Variants in CAMK2D observed in about 807,000 individuals in gnomAD.
CAMK2D encodes the protein calcium/calmodulin dependent protein kinase II delta.
Under a neutral mutation model 84.0 loss-of-function variants are expected in CAMK2D, and 37 were observed. The ratio of observed to expected loss-of-function variants is 0.44; its 90% CI spans 0.34 to 0.58. CAMK2D has a LOEUF of 0.58. CAMK2D is among the 20% of genes least tolerant of loss of function. The pLI is 0.02. For synonymous variants in CAMK2D, 202 were observed against 212.5 expected, an observed-to-expected ratio of 0.95 and a Z score of 0.43; for missense variants, 448 against 652.5, an observed-to-expected ratio of 0.69 and a Z score of 3.41.
chr4:113,600,520 C>A (rs974936234), intron 4 of CAMK2D, among the ~76,000 whole-genome samples: 1 of 152,020 alleles, frequency 6.6e-6, no homozygotes, highest in African/African-American at 2.4e-5. Context: ...TTCAAAAAAT[C>A]CTATAGTCCA....
chr4:113,548,603 C>T, intron 5 of CAMK2D: 1 of 896,622 alleles, frequency 1.1e-6, no homozygotes, highest in South Asian at 1.5e-5. Context: ...GCCCTTTCCC[C>T]AGAAAAAAAA....
intron 4 of CAMK2D, among the ~76,000 whole-genome samples, chr4:113,567,664 C>G (rs1026843753): frequency 2.2e-4 from 33 of 152,098 alleles, no homozygotes; most frequent in African/African-American, 8.0e-4. Context: ...AGTTAGTCAC[C>G]TTATGTTAGA....
rs537303675 is a variant in CAMK2D, at chr4:113,648,019, A to G, written c.220+13694T>C. 2.6e-5 allele frequency among the ~76,000 whole-genome samples: 4 copies of G among 152,360 alleles called. No individual in the cohort carries two copies. The East Asian group carries it at 7.7e-4, about 29-fold the overall frequency. ...GGGAGAAGGAGATTGGCAGAAGGAA[A>G]TAATGACCTTCAAAATAGTAACTCA... On this transcript the variant is annotated intron_variant, in intron 3 of 20. Coordinates refer to ENST00000511664, the MANE Select transcript of CAMK2D (RefSeq NM_001321571.2).
chr4:113,573,493 A>G, intron 4 of CAMK2D, among the ~76,000 whole-genome samples: 1 of 152,232 alleles, frequency 6.6e-6, no homozygotes. Flanking sequence ...TACTCTGGAT[A>G]TTCCAATAAA....
At chr4:113,641,415 A>G (rs569251248) in intron 3 of CAMK2D, among the ~76,000 whole-genome samples, 1 of 152,234 alleles carries the variant, frequency 6.6e-6, no homozygotes, top group Non-Finnish European at 1.5e-5. Flanking sequence ...TATAATATTT[A>G]TATCTGCAGA....
chr4:113,751,147 G>C (rs747934634), intron 2 of CAMK2D, among the ~76,000 whole-genome samples: 3 of 152,178 alleles, frequency 2.0e-5, no homozygotes, highest in Non-Finnish European at 2.9e-5. Context: ...TGAAAGCTTA[G>C]GAAAATTATT....
At chr4:113,564,514 A>C (rs2098713314) in intron 4 of CAMK2D, among the ~76,000 whole-genome samples, 1 of 152,156 alleles carries the variant, frequency 6.6e-6, no homozygotes, top group Non-Finnish European at 1.5e-5. Flanking sequence ...TAAATTTCAC[A>C]CCGAGACCAT....
At chr4:113,497,736 C>T (rs766143601) in intron 16 of CAMK2D, among the ~76,000 whole-genome samples, 7 of 152,172 alleles carry the variant, frequency 4.6e-5, no homozygotes, top group Non-Finnish European at 1.0e-4. Context: ...ATGTGCACTG[C>T]CTTGGTATGG....
chr4:113,755,027 G>T, intron 2 of CAMK2D: 1 of 984,296 alleles, frequency 1.0e-6, no homozygotes, highest in South Asian at 4.7e-5. Context: ...CATAGTCTCA[G>T]TTCTACTTCC....
intron 3 of CAMK2D, among the ~76,000 whole-genome samples, chr4:113,658,467 T>C (rs1012106611): frequency 2.6e-5 from 4 of 152,170 alleles, no homozygotes; most frequent in Non-Finnish European, 4.4e-5. Flanking sequence ...TCCTCCCTTC[T>C]TTTAGGTCTG....
At chr4:113,515,443 T>G (rs1406791496) in intron 9 of CAMK2D, among the ~76,000 whole-genome samples, 1 of 152,212 alleles carries the variant, frequency 6.6e-6, no homozygotes, top group Non-Finnish European at 1.5e-5. Context: ...TCACATATGG[T>G]AAATACATTT....
intron 4 of CAMK2D, among the ~76,000 whole-genome samples, chr4:113,580,623 C>T (rs1001784295): frequency 1.1e-4 from 17 of 152,222 alleles, no homozygotes; most frequent in African/African-American, 3.9e-4. Flanking sequence ...AGAAGTAGGT[C>T]TGTTTGGTAT....
intron 8 of CAMK2D, among the ~76,000 whole-genome samples, chr4:113,518,174 C>T (rs2098311391): frequency 6.6e-6 from 1 of 152,074 alleles, no homozygotes; most frequent in South Asian, 2.1e-4. Flanking sequence ...AGACAAAACC[C>T]TTTTCTTTTC....
chr4:113,523,990 G>A (rs187394856), intron 8 of CAMK2D, among the ~76,000 whole-genome samples: 334 of 151,948 alleles, frequency 2.2e-3, no homozygotes, highest in African/African-American at 7.5e-3. Flanking sequence ...TCAGCCTCTC[G>A]AGCAGAGTAG....
intron 4 of CAMK2D, among the ~76,000 whole-genome samples, chr4:113,598,548 T>A (rs1341054284): frequency 6.6e-6 from 1 of 152,130 alleles, no homozygotes; most frequent in African/African-American, 2.4e-5. Flanking sequence ...CTTAAAAACT[T>A]AAACTTAAAA....
intron 2 of CAMK2D, among the ~76,000 whole-genome samples, chr4:113,703,528 G>A (rs368897687): frequency 2.0e-5 from 3 of 152,148 alleles, no homozygotes; most frequent in East Asian, 1.9e-4. Context: ...TTGCTATGTT[G>A]CCCAGGCTGG....
chr4:113,682,620 G>C (rs3944125), intron 2 of CAMK2D, among the ~76,000 whole-genome samples: 19,086 of 151,818 alleles, frequency 0.13, 1,377 homozygotes, highest in African/African-American at 0.19. Context: ...TCCAACTTAA[G>C]TACCTAGAAT....
At chr4:113,455,672 C>T in intron 20 of CAMK2D, 54 bp downstream of exon 20, 1 of 962,516 alleles carries the variant, frequency 1.0e-6, no homozygotes, top group African/African-American at 1.6e-5. Context: ...AACAGCCATG[C>T]AGCTTTTCAT....
Position 113,493,123 on chromosome 4 carries a change from G to T in CAMK2D, c.1135+7340C>A, listed in dbSNP as rs1045976520. 8.2e-5 allele frequency among the ~76,000 whole-genome samples: 12 copies of T among 147,144 alleles called. No homozygotes were observed. The Admixed American group carries it at 8.2e-4, about 10-fold the overall frequency. On this transcript the variant is annotated intron_variant, in intron 16 of 20. Transcript: ENST00000511664. ...TTTGCCAGTCTGTGTCTTTTAATTG[G>T]AGCATTTAGTCCATTTACATTTAAA...
Sources: allele counts gnomAD v4.1 joint callset (sites outside exome capture counted in the v4.1 genomes callset), GRCh38; gene constraint gnomAD v4.1.1; transcripts MANE v1.5; gene names NCBI Gene and HGNC (gene_info 2026-07-23, HGNC 2026-07-21).